Variants in MPP7 observed in about 807,000 individuals in gnomAD.
MPP7 encodes the protein MAGUK p55 subfamily member 7.
Under a neutral mutation model 76.5 loss-of-function variants are expected in MPP7, and 60 were observed. The ratio of observed to expected loss-of-function variants is 0.78; its 90% CI spans 0.64 to 0.97. The LOEUF (loss-of-function observed/expected upper bound fraction) is 0.97, where lower values mean the gene tolerates loss of function less well. Ranked by LOEUF, MPP7 falls within the 50% of genes least tolerant of loss-of-function variation. MPP7 has a pLI of 0.00. For synonymous variants in MPP7, 237 were observed against 244.5 expected, an observed-to-expected ratio of 0.97 and a Z score of 0.29; for missense variants, 641 against 694.0, an observed-to-expected ratio of 0.92 and a Z score of 0.86.
chr10:28,291,042 G>T (rs974816255), intron 1 of MPP7, among the ~76,000 whole-genome samples: 4 of 152,138 alleles, frequency 2.6e-5, no homozygotes, highest in Admixed American at 6.5e-5. Flanking sequence ...CAATGTCCAT[G>T]GAGAAGAAGA....
intron 11 of MPP7, among the ~76,000 whole-genome samples, chr10:28,115,036 G>A (rs1222924070): frequency 6.6e-6 from 1 of 152,110 alleles, no homozygotes; most frequent in Non-Finnish European, 1.5e-5. Context: ...GCATCTTCCA[G>A]ATAGTATTAG....
chr10:28,124,226 G>C (rs904823858), intron 7 of MPP7, 110 bp from the exon 8 acceptor site: 1 of 731,942 alleles, frequency 1.4e-6, no homozygotes, highest in Non-Finnish European at 2.4e-6. Context: ...TACACTTAAC[G>C]AATGGAAAGG....
chr10:28,123,552 T>TCCA (rs1305528775), intron 8 of MPP7, among the ~76,000 whole-genome samples: 1 of 138,934 alleles, frequency 7.2e-6, no homozygotes, highest in Non-Finnish European at 1.5e-5. Flanking sequence ...CACTGCAACC[T>TCCA]CCATCTCCTG....
At chr10:28,209,847 C>T (rs1838073094) in intron 2 of MPP7, among the ~76,000 whole-genome samples, 2 of 152,174 alleles carry the variant, frequency 1.3e-5, no homozygotes, top group African/African-American at 2.4e-5. Flanking sequence ...CTGGGTATGT[C>T]TGCACGGATG....
chr10:28,142,271 A>G (rs1445834390), intron 5 of MPP7, among the ~76,000 whole-genome samples: 2 of 152,198 alleles, frequency 1.3e-5, no homozygotes, highest in African/African-American at 2.4e-5. Flanking sequence ...TAATGATTTT[A>G]TATTCTTATG....
chr10:28,245,211 G>A (rs747568831), intron 1 of MPP7, among the ~76,000 whole-genome samples: 8 of 152,136 alleles, frequency 5.3e-5, no homozygotes, highest in South Asian at 2.1e-4. Context: ...TCTTGATTAC[G>A]TTTTCCTTGA....
intron 1 of MPP7, among the ~76,000 whole-genome samples, chr10:28,298,950 AC>A: frequency 6.6e-6 from 1 of 151,870 alleles, no homozygotes; most frequent in East Asian, 1.9e-4. Flanking sequence ...TAACTTCCTT[AC>A]CTCTCTCAGC....
chr10:28,104,396 G>A (rs977459997), intron 11 of MPP7, among the ~76,000 whole-genome samples: 6 of 152,106 alleles, frequency 3.9e-5, no homozygotes, highest in Non-Finnish European at 8.8e-5. Context: ...ATTTTAACAC[G>A]TTTTTTAAAT....
At chr10:28,178,292 C>G (rs1206148399) in intron 3 of MPP7, among the ~76,000 whole-genome samples, 1 of 152,064 alleles carries the variant, frequency 6.6e-6, no homozygotes, top group Non-Finnish European at 1.5e-5. Context: ...TCGAAAACCA[C>G]TGTTCTACAG....
intron 3 of MPP7, among the ~76,000 whole-genome samples, chr10:28,197,346 C>A (rs1402270271): frequency 6.6e-6 from 1 of 152,156 alleles, no homozygotes; most frequent in African/African-American, 2.4e-5. Flanking sequence ...CCATGCCTGG[C>A]TAATTTTTGT....
chr10:28,269,600 C>T (rs1840257687), intron 1 of MPP7, among the ~76,000 whole-genome samples: 1 of 150,504 alleles, frequency 6.6e-6, no homozygotes, highest in Non-Finnish European at 1.5e-5. Context: ...GATCAAAGCT[C>T]ACTGCAGCCT....
chr10:28,064,689 G>A (rs960127478), intron 13 of MPP7, among the ~76,000 whole-genome samples: 1 of 152,154 alleles, frequency 6.6e-6, no homozygotes, highest in Non-Finnish European at 1.5e-5. Flanking sequence ...ACTAATTTAA[G>A]TTATATCCCA....
intron 2 of MPP7, among the ~76,000 whole-genome samples, chr10:28,204,352 A>T (rs1837877707): frequency 6.6e-6 from 1 of 151,622 alleles, no homozygotes; most frequent in African/African-American, 2.4e-5. Context: ...CTGAGGCAGG[A>T]GAATCACTTG....
At chr10:28,061,683 C>T (rs1448043806) in intron 13 of MPP7, among the ~76,000 whole-genome samples, 3 of 152,030 alleles carry the variant, frequency 2.0e-5, no homozygotes, top group Non-Finnish European at 2.9e-5. Context: ...CCAATTTCAG[C>T]AGCTCAGCAA....
chr10:28,291,965 C>T (rs753966195), intron 1 of MPP7, among the ~76,000 whole-genome samples: 2 of 152,190 alleles, frequency 1.3e-5, no homozygotes, highest in Non-Finnish European at 2.9e-5. Context: ...CACTCACCAC[C>T]CACTCACTGA....
intron 7 of MPP7, 122 bp from the exon 8 acceptor site, chr10:28,124,238 G>C: frequency 1.4e-6 from 1 of 691,820 alleles, no homozygotes; most frequent in Non-Finnish European, 2.6e-6. Context: ...ATGGAAAGGA[G>C]ACCTTCACAC....
At chr10:28,241,134 C>T (rs115729632) in intron 1 of MPP7, among the ~76,000 whole-genome samples, 174 of 152,206 alleles carry the variant, frequency 1.1e-3, no homozygotes, top group African/African-American at 4.1e-3. Context: ...AATAAGACAA[C>T]ATATGCTTAT....
At chr10:28,324,183 T>C (rs1388178275) in intron 2 of MPP7, among the ~76,000 whole-genome samples, 2 of 152,086 alleles carry the variant, frequency 1.3e-5, no homozygotes, top group African/African-American at 2.4e-5. Flanking sequence ...ATGGGATTAG[T>C]CCTGTAGTGA....
At chr10:28,128,107 C>G (rs1030558232) in intron 6 of MPP7, among the ~76,000 whole-genome samples, 4 of 152,078 alleles carry the variant, frequency 2.6e-5, no homozygotes, top group Admixed American at 6.5e-5. Context: ...CTGGGCTTTA[C>G]TCTGAATGAA....
Sources: allele counts gnomAD v4.1 joint callset (sites outside exome capture counted in the v4.1 genomes callset), GRCh38; gene constraint gnomAD v4.1.1; transcripts MANE v1.5; gene names NCBI Gene and HGNC (gene_info 2026-07-23, HGNC 2026-07-21).